Variants in SVIL observed in about 807,000 individuals in gnomAD.
The protein encoded by SVIL is archvillin.
Under a neutral mutation model 240.4 loss-of-function variants are expected in SVIL, and 101 were observed. The observed-to-expected ratio is 0.42, with a 90% CI of 0.36 to 0.50. The LOEUF (loss-of-function observed/expected upper bound fraction) is 0.50, where lower values mean the gene tolerates loss of function less well. SVIL is among the 20% of genes least tolerant of loss of function. The probability of loss-of-function intolerance (pLI) is 0.01; values close to 1 mark genes in which losing one functional copy is unlikely to be tolerated. For missense variants in SVIL, 2,512 were observed against 2,818.7 expected (o/e 0.89, Z 2.46); for synonymous variants, 999 against 1,100.0 (o/e 0.91, Z 1.82).
At chr10:29,591,097 CCACA>C (rs1205638612) in intron 1 of SVIL, among the ~76,000 whole-genome samples, 21 of 152,312 alleles carry the variant, frequency 1.4e-4, no homozygotes, top group African/African-American at 5.1e-4. Context: ...AACTCCCTGC[CCACA>C]CAAACTTATG....
chr10:29,727,846 A>G lies in SVIL; in HGVS notation c.-400+7905T>C, dbSNP rs145910717. 9.1e-3 allele frequency among the ~76,000 whole-genome samples: 1,391 copies of G among 152,274 alleles called. 77 individuals are homozygous for G. Among genetic ancestry groups the G allele is most frequent in the Admixed American group, 0.085 (1,306 of 15,298 alleles). ...CTCTGGGTGCACTGCAAACAGTGCTAGACCCCCTGGCTGCTCAGGACCAAC... is the reference window on the plus strand; with the variant it reads ...CTCTGGGTGCACTGCAAACAGTGCTGGACCCCCTGGCTGCTCAGGACCAAC... On this transcript the variant is annotated intron_variant, in intron 1 of 35. Coordinates refer to the SVIL transcript ENST00000375400.
intron 16 of SVIL, among the ~76,000 whole-genome samples, chr10:29,518,015 G>T (rs1950325067): frequency 6.6e-6 from 1 of 152,146 alleles, no homozygotes; most frequent in Non-Finnish European, 1.5e-5. Context: ...CTAATCCGGT[G>T]GGAAAAGTCG....
intron 3 of SVIL, among the ~76,000 whole-genome samples, chr10:29,649,316 C>T (rs756825546): frequency 1.3e-5 from 2 of 152,114 alleles, no homozygotes; most frequent in African/African-American, 2.4e-5. Flanking sequence ...AATGAAGATG[C>T]TTCTTTCAAT....
chr10:29,500,756 G>C (rs1948821731), intron 17 of SVIL, among the ~76,000 whole-genome samples: 1 of 152,176 alleles, frequency 6.6e-6, no homozygotes, highest in African/African-American at 2.4e-5. Context: ...CGCTGACACA[G>C]GGAAGGACTC....
intron 3 of SVIL, among the ~76,000 whole-genome samples, chr10:29,653,923 G>C (rs1357221009): frequency 1.3e-5 from 2 of 152,060 alleles, no homozygotes; most frequent in Non-Finnish European, 2.9e-5. Context: ...GAATAGAATA[G>C]AATACCAGTA....
chr10:29,582,178 C>T (rs188413708), intron 1 of SVIL, among the ~76,000 whole-genome samples: 6 of 152,226 alleles, frequency 3.9e-5, no homozygotes, highest in Admixed American at 2.6e-4. Context: ...TAAATGCCAC[C>T]GAACTGTTCA....
At chr10:29,514,213 A>G (rs1950055608) in intron 16 of SVIL, among the ~76,000 whole-genome samples, 1 of 152,202 alleles carries the variant, frequency 6.6e-6, no homozygotes, top group Admixed American at 6.5e-5. Context: ...ATCCATAAAT[A>G]TTAAATCCAT....
intron 2 of SVIL, among the ~76,000 whole-genome samples, chr10:29,669,711 C>T (rs1277543500): frequency 1.3e-5 from 2 of 152,046 alleles, no homozygotes; most frequent in Non-Finnish European, 2.9e-5. Context: ...ACGAAGGTGC[C>T]GTTGATGGAG....
chr10:29,732,928 A>G (rs1027324794), intron 1 of SVIL, among the ~76,000 whole-genome samples: 1 of 152,106 alleles, frequency 6.6e-6, no homozygotes, highest in East Asian at 1.9e-4. Context: ...AGAAAGGGAA[A>G]TGGCTGAAAG....
At chr10:29,541,287 T>C (rs1042787630) in intron 6 of SVIL, among the ~76,000 whole-genome samples, 1 of 152,222 alleles carries the variant, frequency 6.6e-6, no homozygotes, top group African/African-American at 2.4e-5. Context: ...TGTGAGGCTA[T>C]ACCAGTCTTT....
At chr10:29,558,154 C>T (rs372648919) in intron 3 of SVIL, among the ~76,000 whole-genome samples, 2 of 152,166 alleles carry the variant, frequency 1.3e-5, no homozygotes, top group East Asian at 1.9e-4. Flanking sequence ...ACAGTACAGA[C>T]GCCACTAGCC....
chr10:29,714,620 C>A (rs1963503331), intron 1 of SVIL, among the ~76,000 whole-genome samples: 1 of 152,034 alleles, frequency 6.6e-6, no homozygotes, highest in Non-Finnish European at 1.5e-5. Context: ...AAGCACAGAG[C>A]AAGAGTTTTG....
intron 1 of SVIL, among the ~76,000 whole-genome samples, chr10:29,624,728 G>A (rs925137600): frequency 2.6e-5 from 4 of 151,956 alleles, no homozygotes; most frequent in Non-Finnish European, 4.4e-5. Flanking sequence ...ATGTTAGCCA[G>A]GGAGATGCTG....
chr10:29,603,655 C>A (rs1307428338), intron 1 of SVIL, among the ~76,000 whole-genome samples: 1 of 152,180 alleles, frequency 6.6e-6, no homozygotes, highest in Non-Finnish European at 1.5e-5. Flanking sequence ...TAGGAATGAG[C>A]AAAGGGACCC....
chr10:29,642,395 AACAG>A (rs755305556), intron 3 of SVIL, among the ~76,000 whole-genome samples: 12 of 149,434 alleles, frequency 8.0e-5, no homozygotes, highest in Non-Finnish European at 1.3e-4. Context: ...CTGCCTCAAA[AACAG>A]AAAGAAAGAG....
chr10:29,732,504 A>C (rs184094110), intron 1 of SVIL, among the ~76,000 whole-genome samples: 73 of 152,342 alleles, frequency 4.8e-4, no homozygotes, highest in South Asian at 3.5e-3. Flanking sequence ...TAACATATGA[A>C]ATAGCTATAC....
At chr10:29,567,507 C>T (rs2132711902) in intron 2 of SVIL, among the ~76,000 whole-genome samples, 1 of 152,338 alleles carries the variant, frequency 6.6e-6, no homozygotes, top group South Asian at 2.1e-4. Flanking sequence ...CACTTAGCAC[C>T]ATGGCACACA....
At chr10:29,584,839 T>C (rs572714425) in intron 1 of SVIL, among the ~76,000 whole-genome samples, 52 of 152,294 alleles carry the variant, frequency 3.4e-4, no homozygotes, top group East Asian at 9.7e-4. Context: ...AAAATTCAGA[T>C]ACTTGTCACA....
chr10:29,700,109 G>A (rs1458692203), intron 1 of SVIL, among the ~76,000 whole-genome samples: 5 of 152,182 alleles, frequency 3.3e-5, no homozygotes, highest in Admixed American at 3.3e-4. Context: ...AATAAGGATG[G>A]GTTCAAAGTG....
Sources: gnomAD v4.1 joint callset for allele counts (sites outside exome capture counted in the v4.1 genomes callset) on GRCh38, gnomAD v4.1.1 for gene constraint, MANE v1.5 for transcripts, NCBI Gene and HGNC (gene_info 2026-07-23, HGNC 2026-07-21) for gene names.